OPCML: variants seen among roughly 807,000 people sequenced by gnomAD.
OPCML encodes opioid binding protein/cell adhesion molecule like, also known as opioid-binding protein/cell adhesion molecule.
OPCML carries 13 observed loss-of-function variants against 37.8 expected under a neutral mutation model. The ratio of observed to expected loss-of-function variants is 0.34; its 90% CI spans 0.22 to 0.55. The LOEUF (loss-of-function observed/expected upper bound fraction) is 0.55. Among genes scored for constraint, OPCML ranks in the 20% least tolerant of loss-of-function variants. The probability of loss-of-function intolerance (pLI) is 0.91; values close to 1 mark genes in which losing one functional copy is unlikely to be tolerated. For synonymous variants in OPCML, 176 were observed against 168.8 expected (o/e 1.04, Z -0.33); for missense variants, 341 against 435.6 (o/e 0.78, Z 1.93).
intron 1 of OPCML, among the ~76,000 whole-genome samples, chr11:133,449,744 G>A (rs559670281): frequency 6.6e-6 from 1 of 151,758 alleles, no homozygotes; most frequent in South Asian, 2.1e-4. Context: ...AATCCTAGAT[G>A]ATTTTATATC....
At chr11:132,849,438 C>T (rs963397264) in intron 2 of OPCML, among the ~76,000 whole-genome samples, 1 of 152,162 alleles carries the variant, frequency 6.6e-6, no homozygotes, top group Non-Finnish European at 1.5e-5. Flanking sequence ...AAGCTTCTAC[C>T]TTCGTGAAGT....
chr11:132,941,402 A>T (rs145071906), intron 2 of OPCML, among the ~76,000 whole-genome samples: 432 of 152,314 alleles, frequency 2.8e-3, no homozygotes, highest in Admixed American at 4.6e-3. Context: ...ATTAGATGGT[A>T]AAGAGGTGTG....
chr11:132,687,718 A>C (rs192463012), intron 2 of OPCML, among the ~76,000 whole-genome samples: 88 of 152,104 alleles, frequency 5.8e-4, no homozygotes, highest in African/African-American at 2.0e-3. Flanking sequence ...TCACAAAATC[A>C]ACTCCCAAAT....
chr11:132,845,360 G>T (rs1429434746), intron 2 of OPCML, among the ~76,000 whole-genome samples: 1 of 152,138 alleles, frequency 6.6e-6, no homozygotes, highest in East Asian at 1.9e-4. Flanking sequence ...AACAGCTTAA[G>T]AAAAGCATCT....
chr11:133,036,630 G>A (rs1473114641), intron 1 of OPCML, among the ~76,000 whole-genome samples: 1 of 152,192 alleles, frequency 6.6e-6, no homozygotes, highest in Non-Finnish European at 1.5e-5. Flanking sequence ...GCAACCTAAT[G>A]TATTCTATAG....
intron 3 of OPCML, among the ~76,000 whole-genome samples, chr11:132,552,761 C>CTTTTTTTTTTTTTTTTTTTTTT (rs2096384944): frequency 1.5e-5 from 1 of 67,476 alleles, no homozygotes; most frequent in African/African-American, 1.1e-4. Flanking sequence ...TTAAACACTA[C>CTTTTTTTTTTTTTTTTTTTTTT]TCTTTTTTTT....
intron 4 of OPCML, among the ~76,000 whole-genome samples, chr11:132,502,412 T>TC (rs1469434475): frequency 3.9e-5 from 6 of 152,218 alleles, no homozygotes; most frequent in Non-Finnish European, 8.8e-5. Flanking sequence ...GTGCCAGTTC[T>TC]CCCATCACAG....
chr11:132,538,567 T>C (rs1048773916), intron 3 of OPCML, among the ~76,000 whole-genome samples: 2 of 152,232 alleles, frequency 1.3e-5, no homozygotes, highest in African/African-American at 4.8e-5. Flanking sequence ...ACGTGAATTG[T>C]ATCTGCATAA....
chr11:132,605,488 C>T (rs920936368), intron 3 of OPCML, among the ~76,000 whole-genome samples: 4 of 151,976 alleles, frequency 2.6e-5, no homozygotes, highest in South Asian at 2.1e-4. Context: ...AGCCTGAACC[C>T]GGGAGGTGGA....
intron 1 of OPCML, among the ~76,000 whole-genome samples, chr11:133,350,036 C>T (rs1944095749): frequency 6.6e-6 from 1 of 152,184 alleles, no homozygotes. Context: ...CCCACAGAGC[C>T]TTCCTGTCCT....
intron 2 of OPCML, among the ~76,000 whole-genome samples, chr11:132,851,673 T>C (rs968146939): frequency 6.6e-6 from 1 of 152,364 alleles, no homozygotes; most frequent in Non-Finnish European, 1.5e-5. Context: ...CTAAGCACTT[T>C]ACTTAAAATC....
chr11:132,776,813 C>T (rs74898025), intron 2 of OPCML, among the ~76,000 whole-genome samples: 2,525 of 152,154 alleles, frequency 0.017, 27 homozygotes, highest in Middle Eastern at 0.034. Flanking sequence ...AGTTAGGTAA[C>T]GTGCCCAGGA....
intron 1 of OPCML, among the ~76,000 whole-genome samples, chr11:133,322,968 ATTGAG>A (rs1943368113): frequency 6.6e-6 from 1 of 152,226 alleles, no homozygotes; most frequent in African/African-American, 2.4e-5. Flanking sequence ...TATATACAAA[ATTGAG>A]TTAATACTAA....
chr11:133,431,780 T>TTA (rs968969415), intron 1 of OPCML, among the ~76,000 whole-genome samples: 44 of 147,858 alleles, frequency 3.0e-4, no homozygotes, highest in East Asian at 2.7e-3. Context: ...TCAATTTATT[T>TTA]TATATATATA....
intron 1 of OPCML, among the ~76,000 whole-genome samples, chr11:133,045,562 G>A (rs1947992857): frequency 6.6e-6 from 1 of 152,168 alleles, no homozygotes; most frequent in Non-Finnish European, 1.5e-5. Flanking sequence ...ATGATAAAGG[G>A]TCAGGGTTTC....
At chr11:132,595,065 A>G (rs931691495) in intron 3 of OPCML, among the ~76,000 whole-genome samples, 12 of 152,268 alleles carry the variant, frequency 7.9e-5, no homozygotes, top group African/African-American at 2.9e-4. Context: ...ATGTAATTAG[A>G]GTTCTGTCTC....
intron 4 of OPCML, among the ~76,000 whole-genome samples, chr11:132,465,095 A>G (rs2096115505): frequency 6.6e-6 from 1 of 152,182 alleles, no homozygotes; most frequent in African/African-American, 2.4e-5. Flanking sequence ...TTTATGGGCT[A>G]CATAAAAAGA....
At chr11:132,429,471 G>A (rs1287184525) in intron 7 of OPCML, among the ~76,000 whole-genome samples, 2 of 152,164 alleles carry the variant, frequency 1.3e-5, no homozygotes, top group African/African-American at 4.8e-5. Flanking sequence ...GATGTGAGGA[G>A]TGAGGGAGAG....
chr11:133,045,687 C>T (rs1048498369), intron 1 of OPCML, among the ~76,000 whole-genome samples: 10 of 152,198 alleles, frequency 6.6e-5, no homozygotes, highest in Non-Finnish European at 1.3e-4. Flanking sequence ...TCGGGCTTCA[C>T]GTTTACTGAA....
Sources: gnomAD v4.1 joint callset for allele counts (sites outside exome capture counted in the v4.1 genomes callset) on GRCh38, gnomAD v4.1.1 for gene constraint, MANE v1.5 for transcripts, NCBI Gene and HGNC (gene_info 2026-07-23, HGNC 2026-07-21) for gene names.